TRPM3: variants seen among roughly 807,000 people sequenced by gnomAD.
The protein encoded by TRPM3 is transient receptor potential cation channel subfamily M member 3.
A neutral mutation model predicts 181.2 loss-of-function variants in TRPM3; 77 were observed. That is an observed-to-expected ratio of 0.42 (90% CI 0.35 to 0.51). The LOEUF (loss-of-function observed/expected upper bound fraction) is 0.51. Ranked by LOEUF, TRPM3 falls within the 20% of genes least tolerant of loss-of-function variation. TRPM3 has a pLI of 0.01. For missense variants in TRPM3, 1,759 were observed against 2,196.7 expected, an observed-to-expected ratio of 0.80 and a Z score of 3.98; for synonymous variants, 745 against 796.4, an observed-to-expected ratio of 0.94 and a Z score of 1.09.
chr9:71,039,718 A>G (rs564197650), intron 1 of TRPM3, among the ~76,000 whole-genome samples: 1 of 152,324 alleles, frequency 6.6e-6, no homozygotes, highest in African/African-American at 2.4e-5. Flanking sequence ...AATGAAGGGC[A>G]TTTAACTTTT....
At chr9:70,643,792 A>T (rs986296590) in intron 9 of TRPM3, among the ~76,000 whole-genome samples, 12 of 152,248 alleles carry the variant, frequency 7.9e-5, no homozygotes, top group Non-Finnish European at 1.0e-4. Context: ...GGTCCTGGGC[A>T]TTGCGGTTTT....
chr9:71,048,101 T>C lies in TRPM3; in HGVS notation c.177+73077A>G, dbSNP rs553344015. 1.2e-3 allele frequency among the ~76,000 whole-genome samples: 185 copies of C among 152,306 alleles called. 1 individual carries two copies. In the South Asian group the frequency reaches 0.014, roughly 11 times the overall value. On this transcript the variant is annotated intron_variant, in intron 1 of 25. Transcript: ENST00000677713. ...GGTTGGTACAAAAGTTATCACAGTTTTTGCCATGACTTTTAATTACTCTTA... is the reference window on the plus strand; with the variant it reads ...GGTTGGTACAAAAGTTATCACAGTTCTTGCCATGACTTTTAATTACTCTTA...
chr9:70,677,805 C>A (rs951062113), intron 9 of TRPM3, among the ~76,000 whole-genome samples: 1 of 152,080 alleles, frequency 6.6e-6, no homozygotes, highest in Non-Finnish European at 1.5e-5. Flanking sequence ...TCAGCTATGA[C>A]CCTTAAGATG....
intron 25 of TRPM3, among the ~76,000 whole-genome samples, chr9:70,547,863 A>C (rs577625482): frequency 6.6e-6 from 1 of 152,326 alleles, no homozygotes; most frequent in South Asian, 2.1e-4. Flanking sequence ...GTTTGCAGGC[A>C]TGGGGCCAGA....
chr9:71,171,967 T>C (rs78133050), intron 1 of TRPM3, among the ~76,000 whole-genome samples: 1,647 of 152,202 alleles, frequency 0.011, 27 homozygotes, highest in East Asian at 0.075. Context: ...GGCGTGATCA[T>C]AGCTCTCTGC....
At chr9:70,754,295 T>A (rs1030666616) in intron 8 of TRPM3, among the ~76,000 whole-genome samples, 3 of 152,188 alleles carry the variant, frequency 2.0e-5, no homozygotes, top group Admixed American at 1.3e-4. Flanking sequence ...AGGAGGAAGA[T>A]AATAGAGAGA....
intron 8 of TRPM3, among the ~76,000 whole-genome samples, chr9:70,687,057 C>A (rs1275334357): frequency 1.3e-5 from 2 of 151,928 alleles, no homozygotes; most frequent in East Asian, 1.9e-4. Context: ...GGCCTCCCAA[C>A]GTGTTGGGAT....
intron 6 of TRPM3, among the ~76,000 whole-genome samples, chr9:70,819,487 G>A (rs1357150082): frequency 6.6e-6 from 1 of 152,080 alleles, no homozygotes; most frequent in South Asian, 2.1e-4. Flanking sequence ...TTTAGAGAAA[G>A]GTACTCTAGG....
At chr9:70,798,799 T>C (rs191821830) in intron 6 of TRPM3, among the ~76,000 whole-genome samples, 1 of 152,284 alleles carries the variant, frequency 6.6e-6, no homozygotes, top group Non-Finnish European at 1.5e-5. Flanking sequence ...CCTGCTGAAA[T>C]GGAGATGACA....
rs372202930 is a variant in TRPM3 at position 71,117,181 on chromosome 9, T to C, written c.177+3997A>G. On this transcript the variant is annotated intron_variant, in intron 1 of 25. Transcript: ENST00000677713. ...TCATCAATTCCCCAGGCCTCTAATC[T>C]AATCTTTCAGCTTCCAGTTGCATCA... Among the ~76,000 whole-genome samples the C allele has an allele frequency of 3.9e-5, 6 of 152,298 alleles. No individual in the cohort carries two copies. In the East Asian group the frequency reaches 1.2e-3, roughly 29 times the overall value.
At chr9:70,794,429 G>A (rs2086476841) in intron 6 of TRPM3, among the ~76,000 whole-genome samples, 1 of 152,116 alleles carries the variant, frequency 6.6e-6, no homozygotes, top group Non-Finnish European at 1.5e-5. Context: ...AGTGAGGCTT[G>A]GCCTTTTGCC....
chr9:71,252,983 G>A (rs1012770722), intron 1 of TRPM3, among the ~76,000 whole-genome samples: 2 of 151,402 alleles, frequency 1.3e-5, no homozygotes, highest in Admixed American at 6.6e-5. Flanking sequence ...CACCAAGCAT[G>A]GCCAAGATTT....
At chr9:71,218,470 G>A (rs1482944687) in intron 1 of TRPM3, among the ~76,000 whole-genome samples, 2 of 152,186 alleles carry the variant, frequency 1.3e-5, no homozygotes, top group African/African-American at 4.8e-5. Flanking sequence ...GCAGTGTCAA[G>A]ATTTGAACCT....
intron 1 of TRPM3, among the ~76,000 whole-genome samples, chr9:71,256,868 G>A (rs1035387056): frequency 5.9e-5 from 9 of 152,040 alleles, no homozygotes; most frequent in African/African-American, 2.2e-4. Context: ...TTTACAAAGT[G>A]TATTCCAGAG....
At chr9:71,376,249 TCTC>T (rs2092663228) in intron 1 of TRPM3, among the ~76,000 whole-genome samples, 1 of 151,914 alleles carries the variant, frequency 6.6e-6, no homozygotes, top group Admixed American at 6.6e-5. Flanking sequence ...GAATTTTATA[TCTC>T]ATCATTTTTA....
intron 1 of TRPM3, among the ~76,000 whole-genome samples, chr9:71,381,106 A>G (rs1384392329): frequency 2.6e-5 from 4 of 152,052 alleles, no homozygotes; most frequent in Non-Finnish European, 1.5e-5. Context: ...CTGCCCTTAA[A>G]TCTCACCTGC....
chr9:71,446,839 A>C, upstream of TRPM3: 1 of 1,536,994 alleles, frequency 6.5e-7, no homozygotes, highest in Non-Finnish European at 8.8e-7. Flanking sequence ...TCCCCATGAG[A>C]AGTTCGCCTC....
upstream of TRPM3, among the ~76,000 whole-genome samples, chr9:71,122,719 G>A (rs184314139): frequency 1.8e-4 from 28 of 152,238 alleles, no homozygotes; most frequent in East Asian, 3.9e-4. Flanking sequence ...GACACACTGC[G>A]CTACAACACC....
chr9:70,697,070 G>T (rs7031754), intron 8 of TRPM3, among the ~76,000 whole-genome samples: 3 of 151,998 alleles, frequency 2.0e-5, no homozygotes, highest in Non-Finnish European at 4.4e-5. Context: ...GCAAAGCAGC[G>T]TCCTTTGTCT....
Sources: allele counts gnomAD v4.1 joint callset (sites outside exome capture counted in the v4.1 genomes callset), GRCh38; gene constraint gnomAD v4.1.1; transcripts MANE v1.5; gene names NCBI Gene and HGNC (gene_info 2026-07-23, HGNC 2026-07-21).